Variants in PPP1R42 observed in about 807,000 individuals in gnomAD.
The protein encoded by PPP1R42 is leucine rich repeat containing 67.
PPP1R42 carries 34 observed loss-of-function variants against 31.0 expected under a neutral mutation model. The observed-to-expected ratio is 1.10, with a 90% CI of 0.83 to 1.46. The LOEUF (loss-of-function observed/expected upper bound fraction) is 1.46. Ranked by LOEUF, PPP1R42 falls within the 40% of genes most tolerant of loss-of-function variation. The pLI is 0.00. For synonymous variants in PPP1R42, 103 were observed against 109.8 expected (o/e 0.94, Z 0.39); for missense variants, 268 against 303.0 (o/e 0.88, Z 0.86).
chr8:66,988,219 TG>T, intron 6 of PPP1R42, 180 bp downstream of exon 6: 1 of 1,234,592 alleles, frequency 8.1e-7, no homozygotes, highest in Admixed American at 4.1e-5. Context: ...GAACAGCAGA[TG>T]TTTTTCATGC....
intron 7 of PPP1R42, among the ~76,000 whole-genome samples, chr8:66,964,722 A>C (rs1022283755): frequency 6.6e-6 from 1 of 152,214 alleles, no homozygotes; most frequent in African/African-American, 2.4e-5. Context: ...ATATGTATAT[A>C]AAACAGTAGA....
At chr8:67,012,488 T>C (rs899844399) in intron 4 of PPP1R42, among the ~76,000 whole-genome samples, 4 of 152,170 alleles carry the variant, frequency 2.6e-5, no homozygotes, top group African/African-American at 9.7e-5. Flanking sequence ...TCTGATGTGG[T>C]AGAGCTGTAT....
intron 7 of PPP1R42, chr8:66,970,966 T>C (rs1313935932): frequency 6.6e-7 from 1 of 1,506,070 alleles, no homozygotes. Context: ...CACATAAATA[T>C]TTGAAAGAAC....
chr8:66,988,609 C>A, intron 5 of PPP1R42, 92 bp from the exon 6 acceptor site: 3 of 1,176,468 alleles, frequency 2.6e-6, no homozygotes, highest in Non-Finnish European at 3.5e-6. Flanking sequence ...GTAATTACTG[C>A]TTTCATGGAG....
intron 4 of PPP1R42, 103 bp downstream of exon 4, chr8:67,012,855 G>T: frequency 9.3e-7 from 1 of 1,080,626 alleles, no homozygotes; most frequent in Non-Finnish European, 1.3e-6. Flanking sequence ...ATATAAACAT[G>T]AAGAGGATGT....
At position 67,010,421 on chromosome 8, in the gene PPP1R42, C is replaced by T. The variant is rs1230900928; in HGVS notation, c.552+294G>A. Among the ~76,000 whole-genome samples, 4 of 152,102 alleles carry T rather than the reference C, an allele frequency of 2.6e-5. No individual in the cohort carries two copies. The East Asian group carries it at 7.7e-4, about 29-fold the overall frequency. On this transcript the variant is annotated intron_variant, in intron 5 of 7. Transcript: ENST00000685739. ...AGGCTTAAGGGACAAGAAATCTAGT[C>T]TCTAGAAGAAAAAGTTTGATGGGAA...
chr8:66,987,454 GC>G (rs1815058407), intron 6 of PPP1R42, among the ~76,000 whole-genome samples: 1 of 151,790 alleles, frequency 6.6e-6, no homozygotes, highest in Non-Finnish European at 1.5e-5. Context: ...GCCACCCCTG[GC>G]TATTCTTTTG....
chr8:66,988,157 A>G, intron 6 of PPP1R42: 6 of 1,111,784 alleles, frequency 5.4e-6, no homozygotes, highest in Non-Finnish European at 6.6e-6. Context: ...TTTATTGGTA[A>G]TAGCAAAATA....
intron 7 of PPP1R42, among the ~76,000 whole-genome samples, chr8:66,965,490 G>A (rs1463845329): frequency 5.4e-5 from 8 of 149,408 alleles, no homozygotes; most frequent in Non-Finnish European, 1.2e-4. Context: ...AGGCTGGAGT[G>A]CAGTGGTGTG....
chr8:67,021,894 A>G (rs1246135977), intron 1 of PPP1R42, among the ~76,000 whole-genome samples: 1 of 152,196 alleles, frequency 6.6e-6, no homozygotes, highest in East Asian at 1.9e-4. Context: ...TAGCTCTACA[A>G]TATTTACTAT....
At chr8:66,975,024 A>G (rs1814631485) in intron 7 of PPP1R42, among the ~76,000 whole-genome samples, 1 of 152,214 alleles carries the variant, frequency 6.6e-6, no homozygotes, top group Non-Finnish European at 1.5e-5. Context: ...TTCTATAAAA[A>G]ATGCAATTGG....
At chr8:66,996,249 A>G (rs1285519150) in intron 5 of PPP1R42, among the ~76,000 whole-genome samples, 1 of 152,118 alleles carries the variant, frequency 6.6e-6, no homozygotes, top group Non-Finnish European at 1.5e-5. Context: ...ATAGGGTTTC[A>G]CCATCTTTCC....
At chr8:67,010,925 T>A in intron 4 of PPP1R42, 94 bp from the exon 5 acceptor site, 1 of 1,223,282 alleles carries the variant, frequency 8.2e-7, no homozygotes, top group Non-Finnish European at 1.1e-6. Context: ...TTAAGCTTGA[T>A]CAGTTCAGGT....
At chr8:66,985,789 T>C in intron 6 of PPP1R42, 1 of 1,223,848 alleles carries the variant, frequency 8.2e-7, no homozygotes, top group Non-Finnish European at 1.2e-6. Context: ...TTTTGCTGCG[T>C]CCATCATCTG....
intron 1 of PPP1R42, among the ~76,000 whole-genome samples, chr8:67,019,492 CCTCCCAA>C (rs1816141632): frequency 1.3e-5 from 2 of 151,336 alleles, no homozygotes; most frequent in South Asian, 4.2e-4. Flanking sequence ...CCCACCTCGG[CCTCCCAA>C]AGTGCTAGGA....
At chr8:67,007,224 A>C (rs560621453) in intron 5 of PPP1R42, among the ~76,000 whole-genome samples, 2 of 152,236 alleles carry the variant, frequency 1.3e-5, no homozygotes, top group South Asian at 4.1e-4. Flanking sequence ...CAGTATCTTA[A>C]GATGTGTTTT....
At chr8:66,985,016 C>T (rs960354316) in intron 6 of PPP1R42, 64 of 1,536,440 alleles carry the variant, frequency 4.2e-5, no homozygotes, top group African/African-American at 5.5e-5. Flanking sequence ...TTGGGATTTT[C>T]CTCTCTAAGG....
At chr8:66,978,125 G>T (rs1330282406) in intron 7 of PPP1R42, among the ~76,000 whole-genome samples, 1 of 152,146 alleles carries the variant, frequency 6.6e-6, no homozygotes, top group Non-Finnish European at 1.5e-5. Flanking sequence ...AATTTATAAA[G>T]AAAAAGAGGT....
chr8:66,980,498 G>C (rs893807466), intron 7 of PPP1R42, among the ~76,000 whole-genome samples: 1 of 152,062 alleles, frequency 6.6e-6, no homozygotes, highest in Non-Finnish European at 1.5e-5. Flanking sequence ...CAAAGTACTA[G>C]AACTACAGGT....
Sources: gnomAD v4.1 joint callset for allele counts (sites outside exome capture counted in the v4.1 genomes callset) on GRCh38, gnomAD v4.1.1 for gene constraint, MANE v1.5 for transcripts, NCBI Gene and HGNC (gene_info 2026-07-23, HGNC 2026-07-21) for gene names.